Variants in ADGRV1 observed in about 807,000 individuals in gnomAD.
ADGRV1 encodes the protein G-protein coupled receptor 98.
ADGRV1 carries 359 observed loss-of-function variants against 596.2 expected under a neutral mutation model. The ratio of observed to expected loss-of-function variants is 0.60; its 90% confidence interval spans 0.55 to 0.66. The LOEUF is 0.66. Ranked by LOEUF, ADGRV1 falls within the 30% of genes least tolerant of loss-of-function variation. The probability of loss-of-function intolerance (pLI) is 0.00; values close to 1 mark genes in which losing one functional copy is unlikely to be tolerated. For synonymous variants in ADGRV1, 2,681 were observed against 2,679.2 expected, an observed-to-expected ratio of 1.00 and a Z score of -0.02; for missense variants, 7,274 against 7,575.6, an observed-to-expected ratio of 0.96 and a Z score of 1.48.
At chr5:90,724,774 G>C in intron 45 of ADGRV1, 58 bp from the exon 46 acceptor site, 1 of 1,450,688 alleles carries the variant, frequency 6.9e-7, no homozygotes, top group Non-Finnish European at 9.6e-7. Flanking sequence ...CAATAAATTA[G>C]AATAGATAAG....
intron 62 of ADGRV1, 78 bp from the exon 63 acceptor site, chr5:90,778,346 CTGT>C: frequency 1.7e-6 from 2 of 1,198,594 alleles, no homozygotes; most frequent in Non-Finnish European, 2.4e-6. Flanking sequence ...ATTACAAAAT[CTGT>C]TGTTATTATT....
chr5:90,593,723 C>T lies in ADGRV1; in HGVS notation c.23-21112C>T, dbSNP rs372741087. Among the ~76,000 whole-genome samples the T allele has an allele frequency of 5.3e-5, 8 of 151,588 alleles. No homozygotes were observed. The South Asian group carries it at 1.0e-3, about 20-fold the overall frequency. On this transcript the variant is annotated intron_variant, in intron 1 of 89. Coordinates refer to ENST00000405460, the MANE Select transcript of ADGRV1 (RefSeq NM_032119.4). ...TGTAACCAAATACCACCTGTTCTCC[C>T]GAAACCCATTGAAATAAAAAAAATA...
intron 86 of ADGRV1, among the ~76,000 whole-genome samples, chr5:91,088,450 A>G (rs1790078740): frequency 6.6e-6 from 1 of 152,202 alleles, no homozygotes. Flanking sequence ...GCATGGAAAC[A>G]AAACAAGAAT....
At chr5:90,937,722 G>A (rs1022869635) in intron 83 of ADGRV1, among the ~76,000 whole-genome samples, 4 of 152,202 alleles carry the variant, frequency 2.6e-5, no homozygotes, top group Admixed American at 1.3e-4. Context: ...CTCCCAAAGT[G>A]GCGGGATTAC....
rs1400599341 is a variant in ADGRV1, at chr5:91,072,568, T to G, written c.18274T>G (p.Tyr6092Asp). ...CCAGGTGAAGCCACAGTGGAAAGCATATGATGATGTCTTCAGAGGAAGGAC... is the reference window on the plus strand; with the variant it reads ...CCAGGTGAAGCCACAGTGGAAAGCAGATGATGATGTCTTCAGAGGAAGGAC... ...AYQVKPQWKA[Y>D]DDVFRGRTNA... Residue 6092 changes from tyrosine to aspartate, a missense_variant, in exon 86 of 90, where the codon TAT (tyrosine) becomes GAT (aspartate). Transcript: ENST00000405460. 1 of 1,613,870 alleles carries G rather than the reference T, an allele frequency of 6.2e-7. No homozygotes were observed. The highest frequency in any genetic ancestry group is 1.7e-5 in the Admixed American group (1 of 60,022).
chr5:90,673,412 A>G (rs1772765736), intron 22 of ADGRV1, among the ~76,000 whole-genome samples: 1 of 152,194 alleles, frequency 6.6e-6, no homozygotes, highest in Admixed American at 6.5e-5. Flanking sequence ...ATCATATATG[A>G]TGTAATACTG....
rs115037900 is a variant in ADGRV1 at position 91,020,370 on chromosome 5, G to T, written c.18152+34848G>T. Among the ~76,000 whole-genome samples, 876 of 152,092 alleles carry T rather than the reference G, an allele frequency of 5.8e-3. 7 individuals are homozygous for T. The highest frequency in any genetic ancestry group is 0.02 in the African/African-American group (846 of 41,532). On this transcript the variant is annotated intron_variant, in intron 85 of 89. Transcript: ENST00000405460. ...CAGCTGATCACAGAAAAAAGAATTT[G>T]CCAGATAGCTTCCATTACATATGAC...
At chr5:90,582,505 A>G (rs567160083) in intron 1 of ADGRV1, among the ~76,000 whole-genome samples, 17 of 152,296 alleles carry the variant, frequency 1.1e-4, no homozygotes, top group South Asian at 4.1e-4. Context: ...TGATATAAGA[A>G]TAGTGACTCC....
At chr5:91,107,585 G>C (rs187138205) in intron 87 of ADGRV1, among the ~76,000 whole-genome samples, 41 of 152,292 alleles carry the variant, frequency 2.7e-4, no homozygotes, top group African/African-American at 9.1e-4. Flanking sequence ...AAGAGGCAAG[G>C]TCATTTGTTG....
At position 90,768,993 on chromosome 5, in the gene ADGRV1, G is replaced by A. The variant is rs796638981; in HGVS notation, c.12286-5193G>A. Among the ~76,000 whole-genome samples the A allele has an allele frequency of 7.2e-5, 11 of 152,316 alleles. No individual in the cohort carries two copies. In the East Asian group the frequency reaches 1.7e-3, roughly 24 times the overall value. ...GGACTGACCCTTCAGAGCTGTCTGAGTTAGAATGATGGTGAGTTTTATAAT... is the reference window on the plus strand; with the variant it reads ...GGACTGACCCTTCAGAGCTGTCTGAATTAGAATGATGGTGAGTTTTATAAT... On this transcript the variant is annotated intron_variant, in intron 59 of 89. Coordinates refer to ENST00000405460, the MANE Select transcript of ADGRV1 (RefSeq NM_032119.4).
chr5:91,001,930 G>T (rs927289581), intron 85 of ADGRV1, among the ~76,000 whole-genome samples: 1 of 151,926 alleles, frequency 6.6e-6, no homozygotes, highest in African/African-American at 2.4e-5. Context: ...TATTTCCTAT[G>T]ACACTAAATA....
chr5:90,773,266 A>G (rs1757884357), intron 59 of ADGRV1, among the ~76,000 whole-genome samples: 1 of 152,106 alleles, frequency 6.6e-6, no homozygotes, highest in African/African-American at 2.4e-5. Context: ...AGTGCATTTT[A>G]GAGTGAATAA....
At chr5:90,677,198 A>G (rs776452632) in intron 25 of ADGRV1, among the ~76,000 whole-genome samples, 1 of 152,204 alleles carries the variant, frequency 6.6e-6, no homozygotes, top group Admixed American at 6.5e-5. Flanking sequence ...AAGCCATCCA[A>G]AGGAAAAATT....
intron 1 of ADGRV1, among the ~76,000 whole-genome samples, chr5:90,589,677 G>T (rs1759220851): frequency 6.6e-6 from 1 of 152,122 alleles, no homozygotes. Flanking sequence ...CTAACTATAA[G>T]GTTGTAATTA....
At chr5:91,104,908 G>T in intron 87 of ADGRV1, among the ~76,000 whole-genome samples, 1 of 134,996 alleles carries the variant, frequency 7.4e-6, no homozygotes. Context: ...CACCCAGGCT[G>T]GAATGCAGTG....
chr5:90,813,938 A>T (rs1684155441), intron 74 of ADGRV1, among the ~76,000 whole-genome samples: 1 of 152,222 alleles, frequency 6.6e-6, no homozygotes, highest in African/African-American at 2.4e-5. Context: ...TAGAAATTTG[A>T]AATCAAATTT....
chr5:91,018,966 G>T (rs1307516532), intron 85 of ADGRV1, among the ~76,000 whole-genome samples: 1 of 151,856 alleles, frequency 6.6e-6, no homozygotes, highest in Non-Finnish European at 1.5e-5. Context: ...CCTCCCTCAG[G>T]GTGGCAACAT....
At chr5:91,011,760 A>AGG (rs1782743371) in intron 85 of ADGRV1, among the ~76,000 whole-genome samples, 1 of 151,746 alleles carries the variant, frequency 6.6e-6, no homozygotes, top group South Asian at 2.1e-4. Context: ...CAGGGGGGAA[A>AGG]AAAAAAAGCA....
chr5:91,101,241 C>T (rs181143466), intron 86 of ADGRV1, among the ~76,000 whole-genome samples: 6 of 152,256 alleles, frequency 3.9e-5, no homozygotes, highest in Middle Eastern at 3.4e-3. Context: ...TCTACTTGCA[C>T]GTCTTCTGTA....
Sources: allele counts gnomAD v4.1 joint callset (sites outside exome capture counted in the v4.1 genomes callset), GRCh38; gene constraint gnomAD v4.1.1; transcripts MANE v1.5; gene names NCBI Gene and HGNC (gene_info 2026-07-23, HGNC 2026-07-21).